Variants in CCDC91 observed in about 807,000 individuals in gnomAD.
CCDC91 encodes the protein coiled-coil domain-containing protein 91.
A neutral mutation model predicts 63.2 loss-of-function variants in CCDC91; 48 were observed. The observed-to-expected ratio is 0.76, with a 90% CI of 0.60 to 0.97. The LOEUF (loss-of-function observed/expected upper bound fraction) is 0.97. Among genes scored for constraint, CCDC91 ranks in the 50% least tolerant of loss-of-function variants. The pLI, the probability that CCDC91 is intolerant of heterozygous loss-of-function variation, is 0.00. For missense variants in CCDC91, 500 were observed against 494.6 expected (o/e 1.01, Z -0.10); for synonymous variants, 167 against 165.8 (o/e 1.01, Z -0.06).
chr12:28,339,496 A>G (rs1449803661), intron 6 of CCDC91, among the ~76,000 whole-genome samples: 1 of 151,978 alleles, frequency 6.6e-6, no homozygotes, highest in Non-Finnish European at 1.5e-5. Flanking sequence ...CTGTATCTGC[A>G]GATTTGATCG....
chr12:28,394,238 G>A (rs148493125), intron 8 of CCDC91, among the ~76,000 whole-genome samples: 4 of 152,098 alleles, frequency 2.6e-5, no homozygotes, highest in Non-Finnish European at 5.9e-5. Context: ...AGGCCACGGC[G>A]GGCCGATCAC....
intron 1 of CCDC91, among the ~76,000 whole-genome samples, chr12:28,192,137 A>G (rs1449219194): frequency 6.6e-6 from 1 of 152,216 alleles, no homozygotes; most frequent in African/African-American, 2.4e-5. Context: ...CACAAAAGAA[A>G]CTGCAGAAAA....
At chr12:28,269,127 T>G (rs1447742316) in intron 3 of CCDC91, among the ~76,000 whole-genome samples, 1 of 152,156 alleles carries the variant, frequency 6.6e-6, no homozygotes, top group African/African-American at 2.4e-5. Context: ...TTGTTGCTAA[T>G]GTGTATTTTA....
chr12:28,376,347 A>G (rs1481011411), intron 7 of CCDC91, among the ~76,000 whole-genome samples: 1 of 151,806 alleles, frequency 6.6e-6, no homozygotes, highest in Non-Finnish European at 1.5e-5. Flanking sequence ...TTTTCCATAT[A>G]AGAAAGATGA....
intron 11 of CCDC91, among the ~76,000 whole-genome samples, chr12:28,455,586 A>T (rs552634522): frequency 6.6e-6 from 1 of 152,160 alleles, no homozygotes; most frequent in Non-Finnish European, 1.5e-5. Context: ...AAGGGAAACA[A>T]TAATAGTTCC....
At chr12:28,490,358 A>G (rs1951936128) in intron 12 of CCDC91, among the ~76,000 whole-genome samples, 1 of 151,842 alleles carries the variant, frequency 6.6e-6, no homozygotes, top group South Asian at 2.1e-4. Flanking sequence ...TACATTCATT[A>G]TTGCCTGTTT....
chr12:28,450,355 A>G lies in CCDC91; in HGVS notation c.861A>G (p.Ile287Met), dbSNP rs868041844. Residue 287 changes from isoleucine to methionine, a missense_variant, in exon 10 of 13, where the codon ATA becomes ATG. Coordinates refer to ENST00000536442, the MANE Select transcript of CCDC91 (RefSeq NM_018318.5). Reference sequence around the variant, plus strand: ...ACTGTTTTATCATTTGACAGGAAATATTGGAAAAGTGTTTGGAGGAAGAAA... The same window carrying G: ...ACTGTTTTATCATTTGACAGGAAATGTTGGAAAAGTGTTTGGAGGAAGAAA... Reference protein sequence around the residue: ...LIQQSQEQKEILEKCLEEERQ... With the variant: ...LIQQSQEQKEMLEKCLEEERQ... The G allele has an allele frequency of 6.2e-7, 1 of 1,611,694 alleles. No homozygotes were observed. Among genetic ancestry groups the G allele is most frequent in the Admixed American group, 1.7e-5 (1 of 59,978 alleles).
intron 12 of CCDC91, among the ~76,000 whole-genome samples, chr12:28,512,339 G>A (rs1390523553): frequency 2.6e-5 from 4 of 151,836 alleles, no homozygotes; most frequent in Non-Finnish European, 1.5e-5. Context: ...TGTAGCTCAT[G>A]TGGAGTCTGA....
At chr12:28,350,273 T>C (rs1475315900) in intron 6 of CCDC91, among the ~76,000 whole-genome samples, 1 of 152,222 alleles carries the variant, frequency 6.6e-6, no homozygotes, top group East Asian at 1.9e-4. Flanking sequence ...TTTAAAGATC[T>C]GGTATTATTG....
chr12:28,503,377 A>G (rs1044380314), intron 12 of CCDC91, among the ~76,000 whole-genome samples: 4 of 152,220 alleles, frequency 2.6e-5, no homozygotes, highest in Non-Finnish European at 5.9e-5. Flanking sequence ...AATCAAAACC[A>G]CAATGAGATA....
At chr12:28,372,543 G>C (rs1362564367) in intron 7 of CCDC91, among the ~76,000 whole-genome samples, 1 of 151,854 alleles carries the variant, frequency 6.6e-6, no homozygotes, top group Non-Finnish European at 1.5e-5. Flanking sequence ...TCCTTATAGA[G>C]ATCTTTCACC....
chr12:28,339,138 A>C (rs745587322), intron 6 of CCDC91, among the ~76,000 whole-genome samples: 3 of 152,084 alleles, frequency 2.0e-5, no homozygotes, highest in Non-Finnish European at 4.4e-5. Flanking sequence ...ACCATGCCCA[A>C]CTGGATTCTG....
At chr12:28,481,142 A>G (rs545505045) in intron 11 of CCDC91, among the ~76,000 whole-genome samples, 1 of 152,116 alleles carries the variant, frequency 6.6e-6, no homozygotes, top group Admixed American at 6.6e-5. Flanking sequence ...TTTGGATAGG[A>G]TGTTTCTGCA....
intron 4 of CCDC91, 62 bp downstream of exon 4, chr12:28,305,868 T>A (rs1938669745): frequency 7.3e-7 from 1 of 1,375,586 alleles, no homozygotes; most frequent in African/African-American, 1.5e-5. Flanking sequence ...GCTAATTTAA[T>A]TGTTGCTTTT....
At chr12:28,344,155 A>C (rs1283728496) in intron 6 of CCDC91, among the ~76,000 whole-genome samples, 1 of 152,124 alleles carries the variant, frequency 6.6e-6, no homozygotes, top group African/African-American at 2.4e-5. Flanking sequence ...AGTTATACTA[A>C]AGAGGTAACA....
Position 28,514,402 on chromosome 12 carries a change from G to A in CCDC91, c.1215+30237G>A, listed in dbSNP as rs116149621. Among the ~76,000 whole-genome samples the A allele has an allele frequency of 2.2e-3, 337 of 151,088 alleles. 3 individuals carry two copies. The highest frequency in any genetic ancestry group is 7.7e-3 in the African/African-American group (319 of 41,266). On this transcript the variant is annotated intron_variant, in intron 12 of 12. Coordinates refer to ENST00000536442, the MANE Select transcript of CCDC91 (RefSeq NM_018318.5). Reference sequence around the variant, plus strand: ...GTTTGTGAAAATTTTCTTCCATTCTGTAGGTTGTCTGTTTACTGGTAGTTT... The same window carrying A: ...GTTTGTGAAAATTTTCTTCCATTCTATAGGTTGTCTGTTTACTGGTAGTTT...
intron 1 of CCDC91, among the ~76,000 whole-genome samples, chr12:28,245,162 T>C (rs1945644753): frequency 6.6e-6 from 1 of 152,138 alleles, no homozygotes; most frequent in African/African-American, 2.4e-5. Context: ...AAAGATTCCT[T>C]TTCTGCTGAA....
intron 7 of CCDC91, among the ~76,000 whole-genome samples, chr12:28,382,823 A>G (rs934903717): frequency 3.3e-5 from 5 of 152,076 alleles, no homozygotes; most frequent in Non-Finnish European, 7.4e-5. Context: ...GCTCTACTTA[A>G]TTGTATGAAT....
intron 12 of CCDC91, among the ~76,000 whole-genome samples, chr12:28,515,422 A>G (rs1478577868): frequency 6.6e-6 from 1 of 151,854 alleles, no homozygotes; most frequent in Non-Finnish European, 1.5e-5. Context: ...GATTTCTAGA[A>G]TATTTTAATA....
Sources: gnomAD v4.1 joint callset for allele counts (sites outside exome capture counted in the v4.1 genomes callset) on GRCh38, gnomAD v4.1.1 for gene constraint, MANE v1.5 for transcripts, NCBI Gene and HGNC (gene_info 2026-07-23, HGNC 2026-07-21) for gene names.